MYCBPAP: variants seen among roughly 807,000 people sequenced by gnomAD.
MYCBPAP encodes MYCBP-associated protein.
A neutral mutation model predicts 106.1 loss-of-function variants in MYCBPAP; 60 were observed. The ratio of observed to expected loss-of-function variants is 0.57; its 90% confidence interval spans 0.46 to 0.70. The LOEUF (loss-of-function observed/expected upper bound fraction) is 0.70, where lower values mean the gene tolerates loss of function less well. MYCBPAP is among the 30% of genes least tolerant of loss of function. MYCBPAP has a pLI of 0.00. For synonymous variants in MYCBPAP, 407 were observed against 440.6 expected (o/e 0.92, Z 0.95); for missense variants, 1,064 against 1,169.3 (o/e 0.91, Z 1.31).
chr17:50,529,224 C>CCCACCTGCCTT, intron 18 of MYCBPAP, 36 bp downstream of exon 18: 1 of 1,586,054 alleles, frequency 6.3e-7, no homozygotes, highest in Non-Finnish European at 8.6e-7. Context: ...TCCCCTGCCT[C>CCCACCTGCCTT]CCACCTGCCT....
intron 11 of MYCBPAP, 94 bp downstream of exon 11, chr17:50,523,222 G>A (rs2034342625): frequency 7.8e-7 from 1 of 1,284,086 alleles, no homozygotes; most frequent in Non-Finnish European, 1.1e-6. Flanking sequence ...CCCAGCTCCT[G>A]TAAGTTTGAG....
rs1294053584 is a variant in MYCBPAP, at chr17:50,524,921, G to T, written c.1680G>T (p.Val560=). ...AHEAVTVVRE[V]LQELLMGVLT... is the part of the protein sequence containing the mutation. ...AGGCAGTCACCGTCGTTCGCGAAGT[G>T]CTGCAGGAGCTGCTGATGGGGGTCT... Residue 560 remains valine, a synonymous_variant, in exon 13 of 19, where the codon GTG becomes GTT. Transcript: ENST00000323776. The T allele has an allele frequency of 1.2e-6, 2 of 1,614,054 alleles. No individual in the cohort carries two copies. Among genetic ancestry groups the T allele is most frequent in the Non-Finnish European group, 1.7e-6 (2 of 1,180,020 alleles).
chr17:50,515,461 G>T (rs1032847478), intron 1 of MYCBPAP, among the ~76,000 whole-genome samples: 1 of 152,220 alleles, frequency 6.6e-6, no homozygotes, highest in Non-Finnish European at 1.5e-5. Flanking sequence ...CAGAGATTCT[G>T]CACTTTAACC....
At chr17:50,518,848 G>T (rs1251008397) in intron 5 of MYCBPAP, 124 bp downstream of exon 5, 4 of 1,459,520 alleles carry the variant, frequency 2.7e-6, no homozygotes, top group Non-Finnish European at 3.8e-6. Flanking sequence ...TCCCAAGAGT[G>T]TCTCACTCTG....
intron 11 of MYCBPAP, 110 bp from the exon 12 acceptor site, chr17:50,523,487 G>A (rs1181741666): frequency 6.0e-6 from 7 of 1,162,686 alleles, no homozygotes; most frequent in African/African-American, 1.5e-5. Flanking sequence ...AACTGGGATG[G>A]TTGGCCAGCC....
At chr17:50,508,232 A>C, upstream of MYCBPAP, 1 of 298,718 alleles carries the variant, frequency 3.3e-6, no homozygotes, top group Non-Finnish European at 6.1e-6. Flanking sequence ...AGGGGCTGGC[A>C]CCCCCGACGC....
In MYCBPAP at chr17:50,508,638, C is replaced by T. The variant is rs757452198; in HGVS notation, c.-37C>T. ...CGCAGCCTCGGTGTCTCTGGGCCGG[C>T]GGTGCAGGGCAACGTTTCATGGTGC... On this transcript the variant is annotated 5_prime_UTR_variant, in exon 1 of 19. Transcript: ENST00000323776. 2 of 1,581,168 alleles carry T rather than the reference C, an allele frequency of 1.3e-6. No homozygotes were observed. The highest frequency in any genetic ancestry group is 2.3e-5 in the South Asian group (2 of 88,182).
At chr17:50,521,565 C>G (rs549980472) in intron 9 of MYCBPAP, 134 bp downstream of exon 9, 8 of 673,834 alleles carry the variant, frequency 1.2e-5, no homozygotes, top group Admixed American at 2.5e-5. Flanking sequence ...CCACCCACTC[C>G]TTGAACCCAT....
chr17:50,518,926 G>T (rs76113260), intron 5 of MYCBPAP, 48 bp from the exon 6 acceptor site: 1 of 1,571,262 alleles, frequency 6.4e-7, no homozygotes, highest in Non-Finnish European at 8.8e-7. Flanking sequence ...CAAGGCCCCT[G>T]TTTGTTCTGG....
intron 7 of MYCBPAP, among the ~76,000 whole-genome samples, chr17:50,520,615 G>A (rs1269913623): frequency 1.3e-5 from 2 of 152,110 alleles, no homozygotes; most frequent in East Asian, 3.9e-4. Context: ...AAAACTTTCA[G>A]TGACACGTGT....
At chr17:50,520,029 G>C in intron 7 of MYCBPAP, 1 of 439,972 alleles carries the variant, frequency 2.3e-6, no homozygotes, top group South Asian at 3.7e-5. Context: ...GTCCAGTGTG[G>C]AGCCTTGAGC....
intron 9 of MYCBPAP, 31 bp from the exon 10 acceptor site, chr17:50,521,942 A>T (rs771390134): frequency 1.9e-6 from 3 of 1,601,214 alleles, no homozygotes; most frequent in Non-Finnish European, 2.6e-6. Flanking sequence ...TGGCAGCCTA[A>T]GAGAAAATAA....
chr17:50,524,920 T>G lies in MYCBPAP; in HGVS notation c.1679T>G (p.Val560Gly), dbSNP rs777874499. The part of the protein sequence containing the change: ...AHEAVTVVRE[V>G]LQELLMGVLT... The stretch of plus-strand genomic sequence containing the variant: ...GAGGCAGTCACCGTCGTTCGCGAAG[T>G]GCTGCAGGAGCTGCTGATGGGGGTC... The change falls in exon 13 of 19, where the codon GTG (valine) becomes GGG (glycine). Residue 560 changes from valine to glycine, a missense_variant. Val to Gly is a moderately radical substitution (Grantham distance 109). Coordinates refer to ENST00000323776, the MANE Select transcript of MYCBPAP (RefSeq NM_032133.6). 1 of 1,614,048 alleles carries G rather than the reference T, an allele frequency of 6.2e-7. No homozygotes were observed. Among genetic ancestry groups the G allele is most frequent in the South Asian group, 1.1e-5 (1 of 91,090 alleles).
intron 1 of MYCBPAP, among the ~76,000 whole-genome samples, chr17:50,510,666 C>A (rs959793765): frequency 4.0e-5 from 6 of 148,690 alleles, no homozygotes; most frequent in African/African-American, 1.5e-4. Flanking sequence ...GCTAGTATTA[C>A]AGGTGCACAC....
chr17:50,528,796 AAAGACAAAG>A lies in MYCBPAP; in HGVS notation c.2517_2525del (p.Glu840_Lys842del). 6.2e-7 allele frequency: 1 copy of A among 1,614,100 alleles called. No homozygotes were observed. The highest frequency in any genetic ancestry group is 8.5e-7 in the Non-Finnish European group (1 of 1,180,022). On this transcript the variant is annotated inframe_deletion, in exon 17 of 19. Transcript: ENST00000323776. Reference sequence around the variant, plus strand: ...CCAGGAAAAGAAGCAACTGGGGATCAAAGACAAAGAAGACAAGAAAGGAGCCAAGCTGCT... The same window carrying A: ...CCAGGAAAAGAAGCAACTGGGGATCAAAGACAAGAAAGGAGCCAAGCTGCT...
chr17:50,520,226 C>T (rs929664701), intron 7 of MYCBPAP: 19 of 155,280 alleles, frequency 1.2e-4, no homozygotes, highest in Non-Finnish European at 2.1e-4. Context: ...AAAATGAGGG[C>T]GGGCACAGTG....
chr17:50,529,007 T>G lies in MYCBPAP; in HGVS notation c.2554-11T>G. ...CTCCTGAAGGCTATGTGTGTCTCCC[T>G]CCCCCAGCAGGACCGTCCCAACAGC... On this transcript the variant is annotated splice_polypyrimidine_tract_variant and intron_variant, in intron 17 of 18. Transcript: ENST00000323776. The G allele has an allele frequency of 6.2e-7, 1 of 1,611,408 alleles. No homozygotes were observed. The highest frequency in any genetic ancestry group is 8.5e-7 in the Non-Finnish European group (1 of 1,178,702).
rs1374270320 is a variant in MYCBPAP, at chr17:50,508,463, C to G, written c.-212C>G. 3 of 1,405,304 alleles carry G rather than the reference C, an allele frequency of 2.1e-6. No homozygotes were observed. In the Admixed American group the frequency reaches 8.0e-5, roughly 38 times the overall value. The allele number at this position is 1,405,304 out of a possible 1,614,324, so 87.1% of individuals were successfully genotyped here. On this transcript the variant is annotated 5_prime_UTR_variant, in exon 1 of 19. Coordinates refer to ENST00000323776, the MANE Select transcript of MYCBPAP (RefSeq NM_032133.6). ...CAGGGCTTTCTAGGGGTCCGTCGCT[C>G]TTGAAGCCGCCGGCGGCGGGCGCGT...
chr17:50,519,882 G>A (rs2034196020), intron 7 of MYCBPAP, 95 bp downstream of exon 7: 9 of 1,381,806 alleles, frequency 6.5e-6, no homozygotes, highest in Non-Finnish European at 7.8e-6. Context: ...AGTGAAACAG[G>A]CCCAGGGCCT....
Sources: gnomAD v4.1 joint callset for allele counts (sites outside exome capture counted in the v4.1 genomes callset) on GRCh38, gnomAD v4.1.1 for gene constraint, MANE v1.5 for transcripts, NCBI Gene and HGNC (gene_info 2026-07-23, HGNC 2026-07-21) for gene names.